Variants in WNK3 observed in about 807,000 individuals in gnomAD.
The protein encoded by WNK3 is WNK lysine deficient protein kinase 3, also known as serine/threonine-protein kinase WNK3.
In WNK3, 18 loss-of-function variants were observed where a neutral mutation model predicts 116.7. That is an observed-to-expected ratio of 0.15 (90% CI 0.11 to 0.23). WNK3 has a LOEUF of 0.23. Ranked by LOEUF, WNK3 falls within the 10% of genes least tolerant of loss-of-function variation. The pLI, the probability that WNK3 is intolerant of heterozygous loss-of-function variation, is 1.00. For synonymous variants in WNK3, 404 were observed against 469.4 expected, an observed-to-expected ratio of 0.86 and a Z score of 1.80; for missense variants, 993 against 1,323.8, an observed-to-expected ratio of 0.75 and a Z score of 3.88.
chrX:54,311,101 C>T lies in WNK3; in HGVS notation c.710+18G>A, dbSNP rs2068882734. 1 of 1,091,180 alleles carries T rather than the reference C, an allele frequency of 9.2e-7. No individual in the cohort carries two copies. The highest frequency in any genetic ancestry group is 2.2e-5 in the South Asian group (1 of 46,231). The allele number at this position is 1,091,180 out of a possible 1,213,427, so 89.9% of individuals were successfully genotyped here. A position where few individuals can be genotyped will look rare whatever the true frequency, so the allele number is the denominator to read the frequency against. On this transcript the variant is annotated intron_variant, in intron 3 of 23. Coordinates refer to ENST00000354646, the Ensembl canonical transcript of WNK3. ...ATTTCCAAATAAAACTACATTGGCA[C>T]TATCAGGGTCAACTTACGTCTTTAA...
intron 17 of WNK3, among the ~76,000 whole-genome samples, chrX:54,246,414 G>A (rs2068074805): frequency 9.0e-6 from 1 of 110,764 alleles, no homozygotes; most frequent in South Asian, 3.8e-4. Flanking sequence ...GAAATTAAAA[G>A]TGAGAGCAAG....
At chrX:54,354,441 GT>G (rs1569539867) in intron 1 of WNK3, among the ~76,000 whole-genome samples, 2 of 111,273 alleles carry the variant, frequency 1.8e-5, no homozygotes, top group Non-Finnish European at 3.8e-5. Context: ...GAAAGGAGGG[GT>G]TTTTTTCCTT....
chrX:54,222,765 T>A (rs1165016455), intron 22 of WNK3, among the ~76,000 whole-genome samples: 1 of 102,893 alleles, frequency 9.7e-6, no homozygotes, highest in Admixed American at 1.1e-4. Flanking sequence ...TAGTCCCAAC[T>A]ACTTGGGAGG....
rs781813501 is a variant in WNK3 at position 54,279,064 on chromosome X, A to T, written c.2037+13824T>A. 8.1e-5 allele frequency among the ~76,000 whole-genome samples: 9 copies of T among 110,454 alleles called. No individual in the cohort carries two copies. The South Asian group carries it at 2.6e-3, about 32-fold the overall frequency. On this transcript the variant is annotated intron_variant, in intron 10 of 23. Transcript: ENST00000354646. The stretch of plus-strand genomic sequence containing the variant: ...GCCTGGGCGACAAGAGCGAAACTCC[A>T]TCTCAAAATAAATAAATAAATAAAT...
intron 7 of WNK3, among the ~76,000 whole-genome samples, chrX:54,297,822 C>T (rs1250323721): frequency 2.7e-5 from 3 of 111,139 alleles, no homozygotes; most frequent in Non-Finnish European, 5.7e-5. Flanking sequence ...GCCTGTAATC[C>T]CAGCACTTTG....
intron 2 of WNK3, 47 bp downstream of exon 2, chrX:54,333,090 C>A (rs1264352422): frequency 2.1e-6 from 2 of 960,817 alleles, no homozygotes; most frequent in Admixed American, 3.0e-5. Flanking sequence ...GAAGGCCAGG[C>A]CAGCTAAAAC....
At chrX:54,268,736 T>C (rs1486756405) in intron 10 of WNK3, among the ~76,000 whole-genome samples, 1 of 110,591 alleles carries the variant, frequency 9.0e-6, no homozygotes, top group African/African-American at 3.3e-5. Flanking sequence ...TAAATAATGA[T>C]AGTATTATAC....
At chrX:54,273,473 C>T (rs1324136487) in intron 10 of WNK3, among the ~76,000 whole-genome samples, 1 of 111,490 alleles carries the variant, frequency 9.0e-6, no homozygotes, top group East Asian at 2.8e-4. Flanking sequence ...ACCCGGAAGG[C>T]GGAGGTTGCA....
At chrX:54,248,951 C>T (rs1557153361) in exon 17 of WNK3, 5 of 1,209,830 alleles carry the variant, frequency 4.1e-6, no homozygotes, top group African/African-American at 1.7e-5. Flanking sequence ...TTCTGACTCT[C>T]GGGATAGATG....
intron 22 of WNK3, among the ~76,000 whole-genome samples, chrX:54,215,226 T>TC (rs1461853119): frequency 3.7e-5 from 4 of 109,516 alleles, no homozygotes; most frequent in African/African-American, 1.3e-4. Flanking sequence ...TTGCACGGTC[T>TC]CCCTCTGATG....
At chrX:54,301,425 T>C (rs1557167458) in intron 6 of WNK3, among the ~76,000 whole-genome samples, 2 of 110,582 alleles carry the variant, frequency 1.8e-5, no homozygotes, top group South Asian at 3.8e-4. Context: ...ACACTAAAGA[T>C]ATAGAATCAA....
chrX:54,291,275 T>C (rs1557165025), intron 10 of WNK3, among the ~76,000 whole-genome samples: 1 of 110,749 alleles, frequency 9.0e-6, no homozygotes, highest in Non-Finnish European at 1.9e-5. Flanking sequence ...ATCGCGCCAC[T>C]GCACTCCAGC....
intron 22 of WNK3, among the ~76,000 whole-genome samples, chrX:54,220,383 A>G (rs1327916370): frequency 4.6e-5 from 5 of 109,639 alleles, no homozygotes; most frequent in Non-Finnish European, 9.5e-5. Context: ...AGGAGACCCC[A>G]TCTCTATTAA....
chrX:54,257,575 A>C (rs933179619), intron 11 of WNK3, among the ~76,000 whole-genome samples: 1 of 109,529 alleles, frequency 9.1e-6, no homozygotes, highest in African/African-American at 3.3e-5. Context: ...TGGGCGGATC[A>C]CCTGAGGTCA....
intron 11 of WNK3, among the ~76,000 whole-genome samples, chrX:54,257,611 A>C (rs1417275064): frequency 3.7e-5 from 4 of 108,351 alleles, no homozygotes; most frequent in Admixed American, 1.0e-4. Context: ...CCTGGACAAC[A>C]TGGTGAAACC....
exon 17 of WNK3, chrX:54,249,427 G>C: frequency 8.3e-7 from 1 of 1,211,661 alleles, no homozygotes; most frequent in Non-Finnish European, 1.1e-6. Flanking sequence ...GGAACTATTA[G>C]TAACTGGTGC....
At chrX:54,314,358 T>C (rs897991406) in intron 2 of WNK3, among the ~76,000 whole-genome samples, 2 of 111,606 alleles carry the variant, frequency 1.8e-5, no homozygotes, top group Admixed American at 1.9e-4. Context: ...GAGTTTCTTA[T>C]TAAGTAAATG....
At chrX:54,199,739 C>CA (rs1569534793) in intron 23 of WNK3, among the ~76,000 whole-genome samples, 1 of 111,693 alleles carries the variant, frequency 9.0e-6, no homozygotes, top group African/African-American at 3.3e-5. Flanking sequence ...GAGGCTGAGG[C>CA]AGCAGAATTG....
chrX:54,344,943 CAAAAA>C (rs782685356), intron 1 of WNK3, among the ~76,000 whole-genome samples: 1 of 46,525 alleles, frequency 2.1e-5, no homozygotes. Flanking sequence ...GACTCCCTCT[CAAAAA>C]AAAAAAAAAA....
Sources: allele counts gnomAD v4.1 joint callset (sites outside exome capture counted in the v4.1 genomes callset), GRCh38; gene constraint gnomAD v4.1.1; transcripts MANE v1.5; gene names NCBI Gene and HGNC (gene_info 2026-07-23, HGNC 2026-07-21).